The following CDIN1 variants were observed in gnomAD, a reference collection of about 807,000 sequenced individuals.
CDIN1 encodes the protein CDAN1-interacting nuclease 1.
A neutral mutation model predicts 45.3 loss-of-function variants in CDIN1; 33 were observed. That is an observed-to-expected ratio of 0.73 (90% CI 0.55 to 0.97). The LOEUF (loss-of-function observed/expected upper bound fraction) is 0.97. Ranked by LOEUF, CDIN1 falls within the 50% of genes least tolerant of loss-of-function variation. The pLI, the probability that CDIN1 is intolerant of heterozygous loss-of-function variation, is 0.00. For missense variants in CDIN1, 303 were observed against 339.4 expected, an observed-to-expected ratio of 0.89 and a Z score of 0.84; for synonymous variants, 118 against 124.4, an observed-to-expected ratio of 0.95 and a Z score of 0.34.
intron 3 of CDIN1, among the ~76,000 whole-genome samples, chr15:36,648,365 T>G (rs554865524): frequency 9.9e-5 from 15 of 152,076 alleles, no homozygotes; most frequent in Middle Eastern, 3.4e-3. Flanking sequence ...TATTTCATCA[T>G]ATGAAAGTAT....
intron 10 of CDIN1, among the ~76,000 whole-genome samples, chr15:36,771,257 C>T (rs954532112): frequency 6.6e-5 from 10 of 152,016 alleles, no homozygotes; most frequent in African/African-American, 2.2e-4. Context: ...ATGTAGATGA[C>T]GGGTTGATGG....
At chr15:36,654,817 A>G (rs2040717236) in intron 4 of CDIN1, among the ~76,000 whole-genome samples, 1 of 152,226 alleles carries the variant, frequency 6.6e-6, no homozygotes, top group South Asian at 2.1e-4. Context: ...TGAAAAGTTC[A>G]TAATAGTTGC....
chr15:36,617,451 A>T, intron 1 of CDIN1: 1 of 1,005,266 alleles, frequency 9.9e-7, no homozygotes, highest in Admixed American at 1.7e-5. Context: ...ACCTAAAAGA[A>T]TGTCTAAAGA....
At chr15:36,588,428 C>T (rs1227469924) in intron 1 of CDIN1, among the ~76,000 whole-genome samples, 1 of 151,976 alleles carries the variant, frequency 6.6e-6, no homozygotes, top group African/African-American at 2.4e-5. Flanking sequence ...TTGTGGTGGA[C>T]CTGAGTTCCA....
chr15:36,585,908 C>A (rs6495846), intron 1 of CDIN1, among the ~76,000 whole-genome samples: 1 of 151,858 alleles, frequency 6.6e-6, no homozygotes, highest in Non-Finnish European at 1.5e-5. Context: ...GAAATATAAC[C>A]ATAACTTGCT....
chr15:36,600,724 G>T (rs762569880), intron 1 of CDIN1, among the ~76,000 whole-genome samples: 1 of 152,062 alleles, frequency 6.6e-6, no homozygotes, highest in Admixed American at 6.5e-5. Flanking sequence ...GTGAAAATCC[G>T]TGGCCACATG....
intron 10 of CDIN1, chr15:36,746,994 C>A: frequency 2.5e-6 from 1 of 398,328 alleles, no homozygotes; most frequent in Non-Finnish European, 4.4e-6. Context: ...AGCGATTCTT[C>A]TGCCTCAGCC....
At chr15:36,727,252 A>G (rs2140900233) in intron 10 of CDIN1, among the ~76,000 whole-genome samples, 1 of 152,184 alleles carries the variant, frequency 6.6e-6, no homozygotes, top group African/African-American at 2.4e-5. Context: ...TCATAGCTTT[A>G]ACTGACCCAT....
intron 5 of CDIN1, among the ~76,000 whole-genome samples, chr15:36,671,470 TTG>T (rs975710678): frequency 6.6e-6 from 1 of 152,132 alleles, no homozygotes; most frequent in Non-Finnish European, 1.5e-5. Flanking sequence ...TTCTGACATA[TTG>T]TGTGTGTGTT....
At chr15:36,692,229 G>A in intron 7 of CDIN1, 54 bp downstream of exon 7, 2 of 1,508,036 alleles carry the variant, frequency 1.3e-6, no homozygotes, top group Non-Finnish European at 1.8e-6. Context: ...AGACTCAGTG[G>A]AGATGTGTCT....
At chr15:36,805,081 T>C (rs2055184076) in intron 10 of CDIN1, among the ~76,000 whole-genome samples, 1 of 152,168 alleles carries the variant, frequency 6.6e-6, no homozygotes, top group South Asian at 2.1e-4. Flanking sequence ...CTCCCATTTT[T>C]TCAAGGCGTA....
At chr15:36,598,937 G>A (rs968571621) in intron 1 of CDIN1, among the ~76,000 whole-genome samples, 4 of 152,130 alleles carry the variant, frequency 2.6e-5, no homozygotes, top group Admixed American at 6.5e-5. Context: ...AGATCCTTTG[G>A]ATGGGAGCTG....
chr15:36,653,155 A>G (rs923043938), intron 3 of CDIN1, among the ~76,000 whole-genome samples: 1 of 152,174 alleles, frequency 6.6e-6, no homozygotes, highest in African/African-American at 2.4e-5. Context: ...ATAGGCAAAT[A>G]CAATATGCTA....
chr15:36,699,207 TTTTAA>T lies in CDIN1; in HGVS notation c.544+1819_544+1823del, dbSNP rs574370871. ...TAAAGAAGTTGTTAATTCTTTGTAT[TTTTAA>T]TGTAGCACTGAATTAACATATGTTT... On this transcript the variant is annotated intron_variant, in intron 8 of 10. Transcript: ENST00000566621. Among the ~76,000 whole-genome samples the T allele has an allele frequency of 2.1e-3, 317 of 152,346 alleles. 1 individual carries two copies. Among genetic ancestry groups the T allele is most frequent in the African/African-American group, 7.0e-3 (292 of 41,586 alleles).
At chr15:36,686,820 G>A (rs1037681042) in intron 5 of CDIN1, among the ~76,000 whole-genome samples, 1 of 131,096 alleles carries the variant, frequency 7.6e-6, no homozygotes, top group African/African-American at 2.8e-5. Context: ...GGGAGAGAGA[G>A]AGAGGTAGTC....
intron 10 of CDIN1, among the ~76,000 whole-genome samples, chr15:36,740,500 G>A (rs1313164928): frequency 4.6e-5 from 7 of 152,164 alleles, no homozygotes; most frequent in Non-Finnish European, 7.4e-5. Flanking sequence ...ACTTCTACGT[G>A]AAACAGCCCT....
At chr15:36,771,991 G>A (rs993012952) in intron 10 of CDIN1, among the ~76,000 whole-genome samples, 6 of 151,688 alleles carry the variant, frequency 4.0e-5, no homozygotes, top group African/African-American at 1.5e-4. Flanking sequence ...ACTGAATTCT[G>A]TAGTCCTGTG....
At chr15:36,768,319 CT>C (rs2053978938) in intron 10 of CDIN1, among the ~76,000 whole-genome samples, 1 of 152,200 alleles carries the variant, frequency 6.6e-6, no homozygotes, top group African/African-American at 2.4e-5. Context: ...TCAATCAGAC[CT>C]CTTCTCTGGG....
At chr15:36,613,102 G>A (rs981349373) in intron 1 of CDIN1, among the ~76,000 whole-genome samples, 3 of 152,216 alleles carry the variant, frequency 2.0e-5, no homozygotes, top group Non-Finnish European at 2.9e-5. Context: ...GCACCACGGT[G>A]TTTGGAAGCA....
Sources: gnomAD v4.1 joint callset for allele counts (sites outside exome capture counted in the v4.1 genomes callset) on GRCh38, gnomAD v4.1.1 for gene constraint, MANE v1.5 for transcripts, NCBI Gene and HGNC (gene_info 2026-07-23, HGNC 2026-07-21) for gene names.